CRB1: variants seen among roughly 807,000 people sequenced by gnomAD.
CRB1 encodes the protein protein crumbs homolog 1.
Under a neutral mutation model 120.0 loss-of-function variants are expected in CRB1, and 83 were observed. The observed-to-expected ratio is 0.69, with a 90% confidence interval of 0.58 to 0.83. The LOEUF is 0.83. Ranked by LOEUF, CRB1 falls within the 40% of genes least tolerant of loss-of-function variation. CRB1 has a pLI of 0.00. For synonymous variants in CRB1, 625 were observed against 612.5 expected (o/e 1.02, Z -0.30); for missense variants, 1,699 against 1,687.6 (o/e 1.01, Z -0.12).
At position 197,441,942 on chromosome 1, in the gene CRB1, G is replaced by A. The variant is rs535277410; in HGVS notation, c.3879-224G>A. 22 of 567,460 alleles carry A rather than the reference G, an allele frequency of 3.9e-5. No individual in the cohort carries two copies. In the African/African-American group the frequency reaches 3.9e-4, roughly 10 times the overall value. The allele number at this position is 567,460 out of a possible 1,614,324, so 35.2% of individuals were successfully genotyped here. ...ATTTTCTCATTCTAATTAATTCCGT[G>A]TGTATATGTATATATATGTGTACAG... On this transcript the variant is annotated intron_variant, in intron 10 of 11. Transcript: ENST00000367400.
At chr1:197,286,312 C>T (rs932403920) in intron 1 of CRB1, among the ~76,000 whole-genome samples, 1 of 151,834 alleles carries the variant, frequency 6.6e-6, no homozygotes, top group Non-Finnish European at 1.5e-5. Context: ...AACTCTGAAT[C>T]GTATAAAACT....
At chr1:197,444,036 C>T (rs17555558) in intron 11 of CRB1, 2 of 151,948 alleles carry the variant, frequency 1.3e-5, no homozygotes, top group African/African-American at 4.8e-5. Flanking sequence ...GGTTTGAAAA[C>T]ATGAGGACAG....
chr1:197,341,970 T>C (rs1343737896), intron 2 of CRB1, among the ~76,000 whole-genome samples: 1 of 152,146 alleles, frequency 6.6e-6, no homozygotes, highest in Non-Finnish European at 1.5e-5. Context: ...GATCAGTGTA[T>C]ACAAAAACTT....
intron 5 of CRB1, among the ~76,000 whole-genome samples, chr1:197,406,524 G>A (rs1043246720): frequency 6.6e-6 from 1 of 151,938 alleles, no homozygotes; most frequent in Non-Finnish European, 1.5e-5. Context: ...CTATTGTCCT[G>A]TGACCCTGCC....
chr1:197,328,112 A>T (rs1029159107), intron 1 of CRB1, among the ~76,000 whole-genome samples: 1 of 152,230 alleles, frequency 6.6e-6, no homozygotes, highest in Non-Finnish European at 1.5e-5. Context: ...AGGAAACAAA[A>T]TTCTCTATGG....
chr1:197,474,945 G>A (rs1667138086), intron 11 of CRB1, among the ~76,000 whole-genome samples: 1 of 152,112 alleles, frequency 6.6e-6, no homozygotes, highest in South Asian at 2.1e-4. Context: ...CAACTCTGCG[G>A]TTCTGTTCCT....
the CRB1 span, among the ~76,000 whole-genome samples, chr1:197,210,610 T>A: frequency 1.3e-5 from 2 of 151,978 alleles, no homozygotes; most frequent in South Asian, 4.1e-4. Flanking sequence ...TCTACCTATC[T>A]AAGAGCCTAT....
chr1:197,422,010 GA>G (rs1376096929), intron 6 of CRB1, 54 bp downstream of exon 6: 1 of 1,557,910 alleles, frequency 6.4e-7, no homozygotes, highest in African/African-American at 1.4e-5. Context: ...GAGCAGAGCA[GA>G]AACAGCAAAA....
At chr1:197,230,388 ATTT>A in the CRB1 span, among the ~76,000 whole-genome samples, 2 of 152,164 alleles carry the variant, frequency 1.3e-5, no homozygotes, top group Non-Finnish European at 2.9e-5. Flanking sequence ...CATTAATAAG[ATTT>A]TTATTTTTTT....
intron 5 of CRB1, among the ~76,000 whole-genome samples, chr1:197,390,187 G>T (rs1662426728): frequency 6.7e-6 from 1 of 148,222 alleles, no homozygotes; most frequent in African/African-American, 2.5e-5. Context: ...GTGTGGGGGG[G>T]AGGGGGTGGG....
At chr1:197,336,969 C>A (rs2786111) in intron 2 of CRB1, among the ~76,000 whole-genome samples, 2 of 152,016 alleles carry the variant, frequency 1.3e-5, no homozygotes, top group Non-Finnish European at 2.9e-5. Context: ...TGAACAATAA[C>A]ATGTTGAATA....
chr1:197,347,315 C>T, intron 3 of CRB1, 25 bp from the exon 4 acceptor site: 2 of 1,606,600 alleles, frequency 1.2e-6, no homozygotes, highest in Non-Finnish European at 1.7e-6. Flanking sequence ...TAAGAGTTGA[C>T]ATGAAAATTT....
At chr1:197,267,077 A>G (rs1654664578), upstream of CRB1, among the ~76,000 whole-genome samples, 1 of 152,182 alleles carries the variant, frequency 6.6e-6, no homozygotes. Flanking sequence ...CTCTGGTCCT[A>G]ATGTTGACAC....
At chr1:197,282,493 A>G (rs1324503294) in intron 1 of CRB1, among the ~76,000 whole-genome samples, 2 of 151,932 alleles carry the variant, frequency 1.3e-5, no homozygotes, top group African/African-American at 2.4e-5. Flanking sequence ...TATAATAGTG[A>G]AAAATTAGAA....
intron 5 of CRB1, among the ~76,000 whole-genome samples, chr1:197,358,936 C>G (rs192075534): frequency 6.6e-6 from 1 of 152,328 alleles, no homozygotes; most frequent in African/African-American, 2.4e-5. Flanking sequence ...AACTGGTACA[C>G]TGGGGATACG....
rs1659660315 is a variant in CRB1 at position 197,344,534 on chromosome 1, T to C, written c.848+58T>C. On this transcript the variant is annotated intron_variant, in intron 3 of 11. Transcript: ENST00000367400. ...AGAACTCCCTGACCATGAACTATTT[T>C]ACCACTCTGTTGAATTTAGAGCTCT... is the stretch of plus-strand genomic sequence containing the variant. The C allele has an allele frequency of 4.0e-6, 6 of 1,514,284 alleles. No individual in the cohort carries two copies. In the Admixed American group the frequency reaches 8.4e-5, roughly 21 times the overall value. 93.8% of individuals were successfully genotyped at this position (1,514,284 alleles called of 1,614,324 possible).
chr1:197,405,337 C>A (rs80043829), intron 5 of CRB1, among the ~76,000 whole-genome samples: 1 of 151,856 alleles, frequency 6.6e-6, no homozygotes, highest in Non-Finnish European at 1.5e-5. Flanking sequence ...CTCGGCCTCC[C>A]GAGGTGCCGG....
At chr1:197,214,000 G>T in the CRB1 span, among the ~76,000 whole-genome samples, 1 of 151,922 alleles carries the variant, frequency 6.6e-6, no homozygotes, top group Non-Finnish European at 1.5e-5. Context: ...TAAGCCTAAG[G>T]TTAGTTTGGG....
At chr1:197,453,270 T>C (rs1666055787) in intron 11 of CRB1, among the ~76,000 whole-genome samples, 1 of 143,118 alleles carries the variant, frequency 7.0e-6, no homozygotes, top group South Asian at 2.2e-4. Context: ...TATACTTGTG[T>C]ATATATATAT....
Sources: allele counts gnomAD v4.1 joint callset (sites outside exome capture counted in the v4.1 genomes callset), GRCh38; gene constraint gnomAD v4.1.1; transcripts MANE v1.5; gene names NCBI Gene and HGNC (gene_info 2026-07-23, HGNC 2026-07-21).